The following KIF13B variants were observed in gnomAD, a reference collection of about 807,000 sequenced individuals.
KIF13B encodes kinesin family member 13B, also known as kinesin-like protein KIF13B.
In KIF13B, 127 loss-of-function variants were observed where a neutral mutation model predicts 222.0. The ratio of observed to expected loss-of-function variants is 0.57; its 90% CI spans 0.50 to 0.66. The LOEUF (loss-of-function observed/expected upper bound fraction) is 0.66. Among genes scored for constraint, KIF13B ranks in the 30% least tolerant of loss-of-function variants. KIF13B has a pLI of 0.00. For synonymous variants in KIF13B, 976 were observed against 919.0 expected (o/e 1.06, Z -1.12); for missense variants, 2,173 against 2,379.0 (o/e 0.91, Z 1.80).
At chr8:29,221,097 C>CT (rs60915605) in intron 2 of KIF13B, among the ~76,000 whole-genome samples, 8,850 of 112,262 alleles carry the variant, frequency 0.079, 1,584 homozygotes, top group African/African-American at 0.31. Flanking sequence ...GAGCTGTGTT[C>CT]TTTTTTTTTT....
chr8:29,141,347 G>A (rs1478834808), intron 19 of KIF13B, among the ~76,000 whole-genome samples: 1 of 151,790 alleles, frequency 6.6e-6, no homozygotes, highest in Non-Finnish European at 1.5e-5. Flanking sequence ...AAAAAAAAAG[G>A]TGAGCCCCTA....
At chr8:29,191,859 T>TAA (rs750246760) in intron 3 of KIF13B, among the ~76,000 whole-genome samples, 18 of 152,212 alleles carry the variant, frequency 1.2e-4, no homozygotes, top group Non-Finnish European at 2.1e-4. Context: ...TCTACTTACT[T>TAA]GTGTTTTGTG....
At position 29,150,346 on chromosome 8, in the gene KIF13B, G is replaced by C. The variant is rs1811242630; in HGVS notation, c.1573C>G (p.Gln525Glu). 6.3e-7 allele frequency: 1 copy of C among 1,594,440 alleles called. No homozygotes were observed. The highest frequency in any genetic ancestry group is 2.2e-5 in the East Asian group (1 of 44,710). ...AATATCCTGTCCCCATGGTGTAGCT[G>C]TATTGGACTGGAGACAGATGACCCA... The part of the protein sequence containing the change: ...VNGSSVSSPI[Q>E]LHHGDRILWG... Residue 525 changes from glutamine (Q) to glutamate (E), a missense_variant, in exon 15 of 40, where the codon CAG (glutamine) becomes GAG (glutamate). Coordinates refer to ENST00000524189, the MANE Select transcript of KIF13B (RefSeq NM_015254.4).
At chr8:29,227,945 TA>T (rs201808288) in intron 2 of KIF13B, among the ~76,000 whole-genome samples, 7 of 151,920 alleles carry the variant, frequency 4.6e-5, no homozygotes, top group Non-Finnish European at 8.8e-5. Flanking sequence ...AGCAAGACTT[TA>T]AAAAAAATTT....
At chr8:29,196,156 C>A (rs190147601) in intron 3 of KIF13B, 31 bp downstream of exon 3, 1 of 1,544,184 alleles carries the variant, frequency 6.5e-7, no homozygotes, top group South Asian at 1.2e-5. Flanking sequence ...AAGATCTTTA[C>A]AAGCATCACA....
chr8:29,214,670 G>T (rs1022332583), intron 2 of KIF13B, among the ~76,000 whole-genome samples: 1 of 152,190 alleles, frequency 6.6e-6, no homozygotes, highest in Non-Finnish European at 1.5e-5. Context: ...ACAGAAACCA[G>T]TAACATAGTC....
rs2130066432 is a variant in KIF13B, at chr8:29,155,721, G to C, written c.1535+5C>G. On this transcript the variant is annotated splice_donor_5th_base_variant and intron_variant, in intron 14 of 39. Coordinates refer to ENST00000524189, the MANE Select transcript of KIF13B (RefSeq NM_015254.4). Reference sequence around the variant, plus strand: ...GTGATATGAACACTAATTCAAGTATGTTACCTGGTGTTCTTCTGAGGAGTC... The same window carrying C: ...GTGATATGAACACTAATTCAAGTATCTTACCTGGTGTTCTTCTGAGGAGTC... 1 of 1,601,972 alleles carries C rather than the reference G, an allele frequency of 6.2e-7. No homozygotes were observed.
At position 29,168,947 on chromosome 8, in the gene KIF13B, C is replaced by A. The variant is rs144182645; in HGVS notation, c.946-1362G>T. ...CCCAGGCTGAGACAAATCATCGAAG[C>A]AAACAAAAAGATTGAATATACTCTT... is the stretch of plus-strand genomic sequence containing the variant. On this transcript the variant is annotated intron_variant, in intron 10 of 39. Transcript: ENST00000524189. 3.6e-3 allele frequency among the ~76,000 whole-genome samples: 543 copies of A among 151,988 alleles called. 6 individuals carry two copies. Among genetic ancestry groups the A allele is most frequent in the African/African-American group, 0.013 (519 of 41,324 alleles).
chr8:29,100,870 C>T (rs1808755587), intron 35 of KIF13B, among the ~76,000 whole-genome samples: 1 of 152,186 alleles, frequency 6.6e-6, no homozygotes, highest in Admixed American at 6.5e-5. Context: ...AACCCATCTG[C>T]TTTTAGCAGC....
At chr8:29,252,152 T>A (rs929569797) in intron 1 of KIF13B, among the ~76,000 whole-genome samples, 2 of 152,240 alleles carry the variant, frequency 1.3e-5, no homozygotes, top group Non-Finnish European at 2.9e-5. Context: ...ACAAGATTCC[T>A]TTCCAGGGCA....
At position 29,160,841 on chromosome 8, in the gene KIF13B, A is replaced by T. The variant is rs909672168; in HGVS notation, c.1296T>A (p.Leu432=). ...AQERQKQLES[L]GISLQSSGIK... The stretch of plus-strand genomic sequence containing the variant: ...TTCCCGAAGACTGAAGAGATATTCC[A>T]AGACTCTCAAGCTGTTTCTGTCGTT... Residue 432 remains leucine (L), a synonymous_variant, in exon 13 of 40, where the codon CTT becomes CTA. Coordinates refer to ENST00000524189, the MANE Select transcript of KIF13B (RefSeq NM_015254.4). 19 of 1,613,556 alleles carry T rather than the reference A, an allele frequency of 1.2e-5. No homozygotes were observed. Among genetic ancestry groups the T allele is most frequent in the Non-Finnish European group, 1.4e-5 (17 of 1,179,610 alleles).
intron 35 of KIF13B, among the ~76,000 whole-genome samples, chr8:29,099,649 G>A (rs1414555855): frequency 6.6e-6 from 1 of 152,066 alleles, no homozygotes; most frequent in East Asian, 1.9e-4. Flanking sequence ...TGGCATTACA[G>A]GTGTGAGCCA....
intron 37 of KIF13B, among the ~76,000 whole-genome samples, chr8:29,081,631 T>TA (rs1807814507): frequency 6.6e-6 from 1 of 152,210 alleles, no homozygotes; most frequent in East Asian, 1.9e-4. Context: ...CTACAGTTGA[T>TA]ATGACAGTAT....
chr8:29,260,769 A>G (rs755634926), intron 1 of KIF13B, among the ~76,000 whole-genome samples: 6 of 151,880 alleles, frequency 4.0e-5, no homozygotes, highest in Non-Finnish European at 5.9e-5. Flanking sequence ...GGCGTCCACC[A>G]CCACGCCCGG....
chr8:29,149,030 G>A (rs1291625706), intron 15 of KIF13B, among the ~76,000 whole-genome samples: 1 of 152,210 alleles, frequency 6.6e-6, no homozygotes, highest in East Asian at 1.9e-4. Context: ...TCAGAGCAAG[G>A]TGATAAAGGA....
intron 2 of KIF13B, 90 bp downstream of exon 2, chr8:29,245,256 G>T: frequency 2.4e-6 from 2 of 840,054 alleles, no homozygotes. Context: ...GTAGGCATTC[G>T]ATATCTATTC....
intron 1 of KIF13B, among the ~76,000 whole-genome samples, chr8:29,247,799 A>T (rs1586983877): frequency 6.9e-6 from 1 of 144,462 alleles, no homozygotes; most frequent in Non-Finnish European, 1.5e-5. Flanking sequence ...GCAATACTGC[A>T]CTCCAGCCTA....
intron 21 of KIF13B, 30 bp from the exon 22 acceptor site, chr8:29,134,240 A>T: frequency 6.2e-7 from 1 of 1,605,438 alleles, no homozygotes. Context: ...CTGTGTTTTG[A>T]AATCTGAGGG....
intron 18 of KIF13B, among the ~76,000 whole-genome samples, chr8:29,143,012 C>G (rs893620236): frequency 6.6e-6 from 1 of 151,986 alleles, no homozygotes; most frequent in East Asian, 1.9e-4. Flanking sequence ...GCCAATACAC[C>G]CAGCTAATTT....
Sources: allele counts gnomAD v4.1 joint callset (sites outside exome capture counted in the v4.1 genomes callset), GRCh38; gene constraint gnomAD v4.1.1; transcripts MANE v1.5; gene names NCBI Gene and HGNC (gene_info 2026-07-23, HGNC 2026-07-21).